CSPP1: variants seen among roughly 807,000 people sequenced by gnomAD.
CSPP1 encodes centrosome and spindle pole associated protein 1.
CSPP1 carries 126 observed loss-of-function variants against 164.4 expected under a neutral mutation model. That is an observed-to-expected ratio of 0.77 (90% CI 0.66 to 0.89). The LOEUF (loss-of-function observed/expected upper bound fraction) is 0.89, where lower values mean the gene tolerates loss of function less well. CSPP1 is among the 40% of genes least tolerant of loss of function. The pLI is 0.00. For missense variants in CSPP1, 1,395 were observed against 1,449.8 expected (o/e 0.96, Z 0.61); for synonymous variants, 472 against 476.7 (o/e 0.99, Z 0.13).
chr8:67,093,668 G>GTAC (rs756442004), intron 6 of CSPP1, 27 bp downstream of exon 6: 1 of 1,197,110 alleles, frequency 8.4e-7, no homozygotes, highest in Non-Finnish European at 1.2e-6. Flanking sequence ...AATTAAATCT[G>GTAC]TACTACTACT....
chr8:67,091,043 G>C (rs1354607997), intron 4 of CSPP1, among the ~76,000 whole-genome samples: 1 of 151,548 alleles, frequency 6.6e-6, no homozygotes, highest in Admixed American at 6.6e-5. Context: ...TTTTTTTCCA[G>C]TTCTTTGTAT....
chr8:67,185,861 G>A (rs1022966547), intron 28 of CSPP1, among the ~76,000 whole-genome samples: 5 of 152,032 alleles, frequency 3.3e-5, no homozygotes, highest in Admixed American at 2.6e-4. Flanking sequence ...AGACTCAAAA[G>A]CATCATCAAC....
At chr8:67,069,975 T>G (rs1250450796) in intron 1 of CSPP1, among the ~76,000 whole-genome samples, 1 of 152,102 alleles carries the variant, frequency 6.6e-6, no homozygotes, top group Non-Finnish European at 1.5e-5. Flanking sequence ...AAATGACATT[T>G]CTGTTTAAAT....
intron 9 of CSPP1, among the ~76,000 whole-genome samples, chr8:67,111,410 G>A (rs1225212038): frequency 6.6e-6 from 1 of 152,018 alleles, no homozygotes; most frequent in African/African-American, 2.4e-5. Context: ...TGGGAAGACT[G>A]GTAATTAGTT....
intron 27 of CSPP1, among the ~76,000 whole-genome samples, chr8:67,179,566 T>C (rs1174851827): frequency 2.6e-5 from 4 of 152,220 alleles, no homozygotes; most frequent in Non-Finnish European, 5.9e-5. Flanking sequence ...GATCCTTTTA[T>C]TTGACTTCAA....
At chr8:67,168,795 G>T (rs557974181) in intron 24 of CSPP1, among the ~76,000 whole-genome samples, 1 of 152,258 alleles carries the variant, frequency 6.6e-6, no homozygotes, top group South Asian at 2.1e-4. Flanking sequence ...AATGTGATGT[G>T]GCTCACATGT....
chr8:67,159,916 CTT>C lies in CSPP1; in HGVS notation c.2538+781_2538+782del, dbSNP rs1554605174. Among the ~76,000 whole-genome samples, 252 of 52,246 alleles carry C rather than the reference CTT, an allele frequency of 4.8e-3. 7 individuals are homozygous for C. Among genetic ancestry groups the C allele is most frequent in the Middle Eastern group, 0.02 (2 of 102 alleles). 34.3% of individuals were successfully genotyped at this position (52,246 alleles called of 152,430 possible). Reference sequence around the variant, plus strand: ...TCTTTCTTTCTTTCTTTCTTTCTTTCTTTCTTTCCTTTCCTTCCTTCCTTCCT... The same window carrying C: ...TCTTTCTTTCTTTCTTTCTTTCTTTCTCTTTCCTTTCCTTCCTTCCTTCCT... On this transcript the variant is annotated intron_variant, in intron 21 of 30. Transcript: ENST00000678616.
At chr8:67,082,100 T>C (rs1045593683) in intron 3 of CSPP1, among the ~76,000 whole-genome samples, 9 of 152,182 alleles carry the variant, frequency 5.9e-5, no homozygotes, top group African/African-American at 1.9e-4. Flanking sequence ...CAGGCTGGAG[T>C]GCAGTGGCGC....
intron 9 of CSPP1, among the ~76,000 whole-genome samples, chr8:67,107,424 A>G (rs2129548117): frequency 6.6e-6 from 1 of 152,360 alleles, no homozygotes; most frequent in South Asian, 2.1e-4. Flanking sequence ...TAATTTTATC[A>G]ATAAAAGGAT....
chr8:67,136,846 G>C (rs1454008181), intron 16 of CSPP1, among the ~76,000 whole-genome samples: 5 of 151,984 alleles, frequency 3.3e-5, no homozygotes, highest in South Asian at 4.1e-4. Flanking sequence ...GGGTTAGAGA[G>C]GGAATGGCTC....
At chr8:67,085,357 T>C (rs1006629202) in intron 3 of CSPP1, among the ~76,000 whole-genome samples, 3 of 151,462 alleles carry the variant, frequency 2.0e-5, no homozygotes, top group African/African-American at 7.3e-5. Flanking sequence ...GAATGCTCTT[T>C]GATACAAAAA....
At chr8:67,183,790 C>T (rs1227478643) in intron 28 of CSPP1, among the ~76,000 whole-genome samples, 1 of 149,928 alleles carries the variant, frequency 6.7e-6, no homozygotes, top group Non-Finnish European at 1.5e-5. Flanking sequence ...AAAACCAAAG[C>T]CACAATTTAT....
rs117398242 is a variant in CSPP1 at position 67,178,075 on chromosome 8, G to A, written c.3156+349G>A. ...TGCAAGGTACTTAGAGACAGGCCTG[G>A]CATATAAGTTTTATGTAAGTGTTTA... On this transcript the variant is annotated intron_variant, in intron 27 of 30. Coordinates refer to ENST00000678616, the MANE Select transcript of CSPP1 (RefSeq NM_001382391.1). Among the ~76,000 whole-genome samples the A allele has an allele frequency of 2.8e-4, 42 of 152,240 alleles. No homozygotes were observed. In the East Asian group the frequency reaches 8.1e-3, roughly 29 times the overall value.
intron 26 of CSPP1, 147 bp from the exon 27 acceptor site, chr8:67,177,533 A>T: frequency 3.5e-6 from 2 of 579,450 alleles, no homozygotes; most frequent in East Asian, 2.8e-5. Flanking sequence ...GTTTTTTAAT[A>T]AGTGATATCT....
intron 16 of CSPP1, among the ~76,000 whole-genome samples, chr8:67,136,568 CAAAAAAAAAAAA>C (rs35184133): frequency 1.1e-4 from 3 of 27,686 alleles, no homozygotes; most frequent in Non-Finnish European, 9.5e-5. Context: ...GACTCCGTCT[CAAAAAAAAAAAA>C]AAAAAAAAAA....
chr8:67,181,963 C>G (rs1056332411), intron 28 of CSPP1, among the ~76,000 whole-genome samples: 2 of 152,138 alleles, frequency 1.3e-5, no homozygotes, highest in African/African-American at 4.8e-5. Flanking sequence ...CTTCACATAA[C>G]ATCTTTGAGG....
chr8:67,188,202 T>C (rs1285312454), intron 28 of CSPP1, among the ~76,000 whole-genome samples: 2 of 152,080 alleles, frequency 1.3e-5, no homozygotes, highest in African/African-American at 4.8e-5. Flanking sequence ...GAAAACAAAA[T>C]ACCTGATTAA....
intron 15 of CSPP1, among the ~76,000 whole-genome samples, chr8:67,130,350 G>A (rs1342334714): frequency 6.6e-6 from 1 of 152,138 alleles, no homozygotes; most frequent in Admixed American, 6.5e-5. Context: ...AATATAGACG[G>A]GAGGGATCAT....
At chr8:67,158,017 T>C (rs1055433592) in intron 19 of CSPP1, among the ~76,000 whole-genome samples, 9 of 152,224 alleles carry the variant, frequency 5.9e-5, no homozygotes, top group African/African-American at 2.2e-4. Context: ...TATTTTAGAA[T>C]AATCAATTCC....
Sources: gnomAD v4.1 joint callset for allele counts (sites outside exome capture counted in the v4.1 genomes callset) on GRCh38, gnomAD v4.1.1 for gene constraint, MANE v1.5 for transcripts, NCBI Gene and HGNC (gene_info 2026-07-23, HGNC 2026-07-21) for gene names.